Variants in GALNTL6 observed in about 807,000 individuals in gnomAD.
GALNTL6 encodes polypeptide N-acetylgalactosaminyltransferase-like 6.
A neutral mutation model predicts 73.7 loss-of-function variants in GALNTL6; 46 were observed. The ratio of observed to expected loss-of-function variants is 0.62; its 90% CI spans 0.49 to 0.80. The LOEUF is 0.80. Ranked by LOEUF, GALNTL6 falls within the 30% of genes least tolerant of loss-of-function variation. The pLI is 0.00. For synonymous variants in GALNTL6, 259 were observed against 263.7 expected (o/e 0.98, Z 0.17); for missense variants, 604 against 755.0 (o/e 0.80, Z 2.34).
intron 5 of GALNTL6, among the ~76,000 whole-genome samples, chr4:172,637,475 T>C (rs993892956): frequency 1.1e-4 from 17 of 152,190 alleles, no homozygotes; most frequent in Admixed American, 1.1e-3. Flanking sequence ...TGTATTTACC[T>C]TTCATTAACA....
At chr4:171,910,950 A>T (rs1176835012) in intron 2 of GALNTL6, among the ~76,000 whole-genome samples, 1 of 152,140 alleles carries the variant, frequency 6.6e-6, no homozygotes, top group Non-Finnish European at 1.5e-5. Context: ...GCACTTGGAC[A>T]TTCTTCTAGT....
intron 2 of GALNTL6, among the ~76,000 whole-genome samples, chr4:172,150,132 TAGTC>T (rs1456110030): frequency 6.6e-6 from 1 of 152,164 alleles, no homozygotes; most frequent in African/African-American, 2.4e-5. Flanking sequence ...CAACTCCAAA[TAGTC>T]AGCTCTCTTG....
At chr4:172,717,021 G>T (rs1735146212) in intron 5 of GALNTL6, among the ~76,000 whole-genome samples, 1 of 152,088 alleles carries the variant, frequency 6.6e-6, no homozygotes, top group Non-Finnish European at 1.5e-5. Context: ...AAATTTTGTG[G>T]ATGCCCCTAT....
At chr4:172,373,176 T>C (rs1376018461) in intron 5 of GALNTL6, among the ~76,000 whole-genome samples, 1 of 152,196 alleles carries the variant, frequency 6.6e-6, no homozygotes, top group Admixed American at 6.5e-5. Context: ...CCCTAAACCC[T>C]TGGGGCAAGA....
intron 12 of GALNTL6, among the ~76,000 whole-genome samples, chr4:173,027,018 C>T (rs761366074): frequency 1.1e-4 from 17 of 152,142 alleles, no homozygotes; most frequent in Non-Finnish European, 2.4e-4. Context: ...GACGGACTTT[C>T]GCTCTGTCAG....
chr4:172,975,959 A>G (rs1750787949), intron 10 of GALNTL6, among the ~76,000 whole-genome samples: 1 of 152,114 alleles, frequency 6.6e-6, no homozygotes, highest in African/African-American at 2.4e-5. Context: ...ACAGGTCCAC[A>G]GCTACAACTG....
At chr4:172,803,793 A>G (rs1740799455) in intron 5 of GALNTL6, among the ~76,000 whole-genome samples, 2 of 152,196 alleles carry the variant, frequency 1.3e-5, no homozygotes, top group African/African-American at 4.8e-5. Flanking sequence ...TGCATATTCA[A>G]GGAATACAAA....
chr4:171,867,280 C>T (rs1560819643), intron 2 of GALNTL6, among the ~76,000 whole-genome samples: 1 of 151,980 alleles, frequency 6.6e-6, no homozygotes. Flanking sequence ...TCAATGTTTC[C>T]CAATTCAGTT....
At chr4:172,062,085 G>A (rs148596603) in intron 2 of GALNTL6, among the ~76,000 whole-genome samples, 1,763 of 151,638 alleles carry the variant, frequency 0.012, 17 homozygotes, top group South Asian at 0.045. Context: ...GAGTAGCTGG[G>A]ACTACAGGTG....
intron 5 of GALNTL6, among the ~76,000 whole-genome samples, chr4:172,365,355 T>G (rs1162988544): frequency 1.3e-5 from 2 of 152,016 alleles, no homozygotes; most frequent in Non-Finnish European, 2.9e-5. Context: ...GTGTTTCTGG[T>G]CGGAGATGTC....
At chr4:172,229,587 G>A (rs963921149) in intron 2 of GALNTL6, 69 bp from the exon 3 acceptor site, 32 of 848,446 alleles carry the variant, frequency 3.8e-5, no homozygotes, top group African/African-American at 2.3e-4. Flanking sequence ...TTATGTGCCC[G>A]GCTGTGTTTA....
intron 2 of GALNTL6, among the ~76,000 whole-genome samples, chr4:171,955,215 T>A (rs1483668396): frequency 6.6e-6 from 1 of 152,060 alleles, no homozygotes; most frequent in Non-Finnish European, 1.5e-5. Flanking sequence ...AAAACAAAAA[T>A]AAAGCATACA....
chr4:172,428,130 A>G (rs1414196462), intron 5 of GALNTL6, among the ~76,000 whole-genome samples: 11 of 152,160 alleles, frequency 7.2e-5, no homozygotes, highest in Admixed American at 7.2e-4. Flanking sequence ...CAGTTACCAT[A>G]GATCATTAAA....
At chr4:172,745,873 G>A (rs1737082543) in intron 5 of GALNTL6, among the ~76,000 whole-genome samples, 1 of 152,072 alleles carries the variant, frequency 6.6e-6, no homozygotes, top group African/African-American at 2.4e-5. Context: ...GGATTTCAAT[G>A]TTAAGATCAT....
intron 3 of GALNTL6, among the ~76,000 whole-genome samples, chr4:172,253,104 A>C (rs948644703): frequency 1.3e-5 from 2 of 152,020 alleles, no homozygotes; most frequent in African/African-American, 4.8e-5. Flanking sequence ...TTTGGTAATA[A>C]AATAATAAGC....
At chr4:172,249,202 G>A (rs558960307) in intron 3 of GALNTL6, among the ~76,000 whole-genome samples, 2 of 152,176 alleles carry the variant, frequency 1.3e-5, no homozygotes, top group Non-Finnish European at 2.9e-5. Context: ...CTCATATGGA[G>A]ATGAGGAACT....
intron 5 of GALNTL6, among the ~76,000 whole-genome samples, chr4:172,615,060 C>A (rs1297527926): frequency 6.6e-6 from 1 of 151,922 alleles, no homozygotes; most frequent in Non-Finnish European, 1.5e-5. Flanking sequence ...TTTTAGCCAC[C>A]CTGCTTATTT....
intron 5 of GALNTL6, among the ~76,000 whole-genome samples, chr4:172,448,687 A>G (rs1732110987): frequency 6.6e-6 from 1 of 152,154 alleles, no homozygotes; most frequent in Non-Finnish European, 1.5e-5. Context: ...GAATTATTTT[A>G]AAACTCTGAG....
At chr4:172,431,583 A>ATTGG (rs1465780769) in intron 5 of GALNTL6, among the ~76,000 whole-genome samples, 2 of 152,154 alleles carry the variant, frequency 1.3e-5, no homozygotes, top group African/African-American at 4.8e-5. Context: ...TTCAGAATGA[A>ATTGG]TTGGTTCATA....
Sources: allele counts gnomAD v4.1 joint callset (sites outside exome capture counted in the v4.1 genomes callset), GRCh38; gene constraint gnomAD v4.1.1; transcripts MANE v1.5; gene names NCBI Gene and HGNC (gene_info 2026-07-23, HGNC 2026-07-21).